The following SH3D19 variants were observed in gnomAD, a reference collection of about 807,000 sequenced individuals.
SH3D19 encodes the protein SH3 domain-containing protein 19.
Under a neutral mutation model 112.1 loss-of-function variants are expected in SH3D19, and 58 were observed. That is an observed-to-expected ratio of 0.52 (90% CI 0.42 to 0.64). SH3D19 has a LOEUF of 0.64. Ranked by LOEUF, SH3D19 falls within the 30% of genes least tolerant of loss-of-function variation. The pLI is 0.00. For synonymous variants in SH3D19, 391 were observed against 448.5 expected, an observed-to-expected ratio of 0.87 and a Z score of 1.62; for missense variants, 1,090 against 1,263.4, an observed-to-expected ratio of 0.86 and a Z score of 2.08.
rs1446103592 is a variant in SH3D19 at position 151,205,845 on chromosome 4, A to T, written c.153-18382T>A. Among the ~76,000 whole-genome samples, 4 of 152,236 alleles carry T rather than the reference A, an allele frequency of 2.6e-5. No individual in the cohort carries two copies. The South Asian group carries it at 6.2e-4, about 24-fold the overall frequency. On this transcript the variant is annotated intron_variant, in intron 2 of 19. Transcript: ENST00000604030. ...TTATCATCCCAGTTTTAGAGATGAA[A>T]AAAGAGTTTACATAATTTAAATGTC...
At chr4:151,127,580 AG>A in intron 19 of SH3D19, 37 bp downstream of exon 19, 1 of 1,225,310 alleles carries the variant, frequency 8.2e-7, no homozygotes. Flanking sequence ...AAAAAATTAT[AG>A]TGCTTAATGC....
chr4:151,135,421 ATTTT>A (rs34291277), intron 14 of SH3D19, among the ~76,000 whole-genome samples: 2 of 87,464 alleles, frequency 2.3e-5, no homozygotes, highest in Non-Finnish European at 4.0e-5. Flanking sequence ...TCTCTATCTC[ATTTT>A]TTTTTTTTTT....
chr4:151,268,244 G>A (rs982561751), intron 1 of SH3D19, among the ~76,000 whole-genome samples: 2 of 152,080 alleles, frequency 1.3e-5, no homozygotes, highest in African/African-American at 2.4e-5. Flanking sequence ...CATAGAAAAG[G>A]TACAGTAAAA....
At chr4:151,300,047 C>T (rs925455989) in intron 1 of SH3D19, among the ~76,000 whole-genome samples, 8 of 151,960 alleles carry the variant, frequency 5.3e-5, no homozygotes, top group African/African-American at 1.7e-4. Flanking sequence ...ACTAAAAATA[C>T]AAAATTAGCC....
intron 1 of SH3D19, chr4:151,261,166 A>C (rs546617803): frequency 8.5e-5 from 13 of 152,306 alleles, no homozygotes; most frequent in African/African-American, 3.1e-4. Context: ...AAGCCTCAGA[A>C]GAACTAGAGG....
At chr4:151,264,247 A>G (rs916009280) in intron 1 of SH3D19, among the ~76,000 whole-genome samples, 1 of 152,034 alleles carries the variant, frequency 6.6e-6, no homozygotes. Flanking sequence ...CCTGGCCAAC[A>G]TGGTGAAACG....
At chr4:151,268,575 A>G (rs1211552493) in intron 1 of SH3D19, among the ~76,000 whole-genome samples, 1 of 142,060 alleles carries the variant, frequency 7.0e-6, no homozygotes, top group African/African-American at 2.6e-5. Context: ...ATATCTCCTA[A>G]TGCTATCCCT....
intron 1 of SH3D19, among the ~76,000 whole-genome samples, chr4:151,243,665 G>A (rs1274674848): frequency 2.0e-5 from 3 of 152,218 alleles, no homozygotes; most frequent in African/African-American, 7.2e-5. Context: ...TTTGAAAACT[G>A]AAACAGACCA....
At chr4:151,200,342 G>A (rs543951135) in intron 2 of SH3D19, among the ~76,000 whole-genome samples, 2 of 152,104 alleles carry the variant, frequency 1.3e-5, no homozygotes, top group Non-Finnish European at 2.9e-5. Flanking sequence ...GCTGGAGCCA[G>A]CTCATGTGAG....
At chr4:151,273,511 A>G (rs1206466495) in intron 1 of SH3D19, among the ~76,000 whole-genome samples, 1 of 141,812 alleles carries the variant, frequency 7.1e-6, no homozygotes, top group East Asian at 2.2e-4. Flanking sequence ...AATCGCTTGA[A>G]CCTCGGAGGC....
At chr4:151,212,668 T>G (rs1375208538) in intron 2 of SH3D19, among the ~76,000 whole-genome samples, 1 of 152,218 alleles carries the variant, frequency 6.6e-6, no homozygotes, top group Non-Finnish European at 1.5e-5. Context: ...CTGATGCAGA[T>G]GTACAGGGAG....
intron 15 of SH3D19, among the ~76,000 whole-genome samples, chr4:151,133,460 C>G (rs148145249): frequency 6.6e-6 from 1 of 152,118 alleles, no homozygotes; most frequent in African/African-American, 2.4e-5. Context: ...GCGGAGTGCA[C>G]GCAGCTGGGT....
In SH3D19 at chr4:151,136,676, T is replaced by C. The variant is rs144533335; in HGVS notation, c.2427+1056A>G. On this transcript the variant is annotated intron_variant, in intron 14 of 19. Transcript: ENST00000604030. The stretch of plus-strand genomic sequence containing the variant: ...CAATAATGTGGCAGATTCTGTGTGA[T>C]TGATTTCAGTGTGGTAATTGTGCTT... Among the ~76,000 whole-genome samples, 1,070 of 152,322 alleles carry C rather than the reference T, an allele frequency of 7.0e-3. 7 individuals carry two copies. Among genetic ancestry groups the C allele is most frequent in the African/African-American group, 0.024 (1,007 of 41,578 alleles).
chr4:151,131,456 T>C (rs912001323), intron 17 of SH3D19, among the ~76,000 whole-genome samples: 1 of 152,044 alleles, frequency 6.6e-6, no homozygotes, highest in African/African-American at 2.4e-5. Context: ...TATTAGCCAC[T>C]TATGGTATCT....
chr4:151,283,279 G>C, intron 1 of SH3D19: 1 of 1,613,482 alleles, frequency 6.2e-7, no homozygotes, highest in South Asian at 1.1e-5. Flanking sequence ...ATGAAGGATA[G>C]TTGCAAGGTC....
intron 2 of SH3D19, among the ~76,000 whole-genome samples, chr4:151,195,296 C>T (rs1763257654): frequency 6.9e-6 from 1 of 145,708 alleles, no homozygotes; most frequent in Admixed American, 7.0e-5. Context: ...GGTGTGAACC[C>T]AGCAGGCGGA....
At chr4:151,310,943 TA>T (rs1020163932) in intron 1 of SH3D19, among the ~76,000 whole-genome samples, 1 of 151,036 alleles carries the variant, frequency 6.6e-6, no homozygotes, top group African/African-American at 2.4e-5. Flanking sequence ...ATAGCCAAGA[TA>T]CATAAACAAC....
chr4:151,182,074 G>A (rs770279477), intron 3 of SH3D19, among the ~76,000 whole-genome samples: 72 of 151,624 alleles, frequency 4.7e-4, no homozygotes, highest in Non-Finnish European at 9.7e-4. Context: ...CTGCAGCCTC[G>A]ACTTCCCTGG....
At chr4:151,267,079 G>A (rs1772840520) in intron 1 of SH3D19, among the ~76,000 whole-genome samples, 1 of 151,664 alleles carries the variant, frequency 6.6e-6, no homozygotes, top group Non-Finnish European at 1.5e-5. Context: ...AGCACTTCTG[G>A]AGGCCGAGGT....
Sources: allele counts gnomAD v4.1 joint callset (sites outside exome capture counted in the v4.1 genomes callset), GRCh38; gene constraint gnomAD v4.1.1; transcripts MANE v1.5; gene names NCBI Gene and HGNC (gene_info 2026-07-23, HGNC 2026-07-21).